CELF2: variants seen among roughly 807,000 people sequenced by gnomAD.
CELF2 encodes the protein CUG triplet repeat RNA-binding protein 2.
In CELF2, 8 loss-of-function variants were observed where a neutral mutation model predicts 62.6. That is an observed-to-expected ratio of 0.13 (90% CI 0.07 to 0.23). The LOEUF (loss-of-function observed/expected upper bound fraction) is 0.23. CELF2 is among the 10% of genes least tolerant of loss of function. CELF2 has a pLI of 1.00. For missense variants in CELF2, 333 were observed against 671.0 expected, an observed-to-expected ratio of 0.50 and a Z score of 5.56; for synonymous variants, 258 against 250.0, an observed-to-expected ratio of 1.03 and a Z score of -0.30.
In CELF2 at chr10:11,259,145, C is replaced by T. The variant is rs183562209; in HGVS notation, c.538+1273C>T. ...GGGCCAGCACTGGCACCCCAAACCACATGTTGAAAGAAAAGATTGGATCAT... is the reference window on the plus strand; with the variant it reads ...GGGCCAGCACTGGCACCCCAAACCATATGTTGAAAGAAAAGATTGGATCAT... On this transcript the variant is annotated intron_variant, in intron 5 of 12. Coordinates refer to ENST00000633077, the MANE Select transcript of CELF2 (RefSeq NM_001326342.2). Among the ~76,000 whole-genome samples, 5 of 152,366 alleles carry T rather than the reference C, an allele frequency of 3.3e-5. No individual in the cohort carries two copies. The East Asian group carries it at 9.6e-4, about 29-fold the overall frequency.
chr10:11,239,130 A>G (rs1035724905), intron 3 of CELF2, among the ~76,000 whole-genome samples: 1 of 152,162 alleles, frequency 6.6e-6, no homozygotes, highest in African/African-American at 2.4e-5. Context: ...ACAGACTCCA[A>G]ATTCCCTCAT....
Position 11,305,716 on chromosome 10 carries a change from C to T in CELF2, c.977-8423C>T, listed in dbSNP as rs1166362706. Reference sequence around the variant, plus strand: ...ATCTCTTCTGGGTGTAGTGTTCATCCCAGACCTAGCACAGCTCTAAGGAGA... The same window carrying T: ...ATCTCTTCTGGGTGTAGTGTTCATCTCAGACCTAGCACAGCTCTAAGGAGA... On this transcript the variant is annotated intron_variant, in intron 9 of 12. Coordinates refer to ENST00000633077, the MANE Select transcript of CELF2 (RefSeq NM_001326342.2). This position sits in a 1 kb window ranked among gnomAD's most constrained non-coding sequence, Gnocchi z 4.8. 7.9e-5 allele frequency among the ~76,000 whole-genome samples: 12 copies of T among 152,162 alleles called. No homozygotes were observed. The highest frequency in any genetic ancestry group is 7.9e-4 in the Admixed American group (12 of 15,282).
At chr10:10,517,179 G>T in the CELF2 span, among the ~76,000 whole-genome samples, 1 of 152,074 alleles carries the variant, frequency 6.6e-6, no homozygotes, top group Admixed American at 6.5e-5. Context: ...TGGAATCATA[G>T]ACAGGCATGA....
rs1289594190 is a variant in CELF2 at position 10,983,973 on chromosome 10, G to A, written c.89+63974G>A. 2.6e-5 allele frequency among the ~76,000 whole-genome samples: 4 copies of A among 152,168 alleles called. No individual in the cohort carries two copies. The highest frequency in any genetic ancestry group is 7.2e-5 in the African/African-American group (3 of 41,446). On this transcript the variant is annotated intron_variant, in intron 2 of 13. Coordinates refer to the CELF2 transcript ENST00000636488. This position sits in a 1 kb window ranked among gnomAD's most constrained non-coding sequence, Gnocchi z 5.2. ...GTCAACTACTGAACTATTAAGTTGC[G>A]AATGGAAGACTTATAACCACACATG...
At position 11,157,893 on chromosome 10, in the gene CELF2, A is replaced by C. The variant is rs2064868040; in HGVS notation, c.75-7593A>C. Among the ~76,000 whole-genome samples, 1 of 152,238 alleles carries C rather than the reference A, an allele frequency of 6.6e-6. No homozygotes were observed. Among genetic ancestry groups the C allele is most frequent in the Non-Finnish European group, 1.5e-5 (1 of 68,042 alleles). On this transcript the variant is annotated intron_variant, in intron 1 of 12. Coordinates refer to ENST00000633077, the MANE Select transcript of CELF2 (RefSeq NM_001326342.2). The surrounding 1 kb of genome is among the most constrained non-coding windows in gnomAD (Gnocchi z 4.9). ...AAAACAGAAGTTACCTGCCTTGAGA[A>C]GCACAGTCACCACAACCTAGTCTGC...
intron 1 of CELF2, among the ~76,000 whole-genome samples, chr10:11,059,417 C>A (rs911817458): frequency 1.3e-5 from 2 of 151,992 alleles, no homozygotes; most frequent in South Asian, 2.1e-4. Context: ...AATTTAAGAC[C>A]GTTTACCAAA....
At chr10:10,823,855 A>G (rs1001352666) in intron 1 of CELF2, among the ~76,000 whole-genome samples, 8 of 152,202 alleles carry the variant, frequency 5.3e-5, no homozygotes, top group Admixed American at 3.9e-4. Context: ...AAACTTGTTC[A>G]AACACACCAT....
chr10:11,081,067 ATTC>A (rs151194596), intron 1 of CELF2, among the ~76,000 whole-genome samples: 40,311 of 152,002 alleles, frequency 0.27, 5,610 homozygotes, highest in Middle Eastern at 0.31. Context: ...AGAAAAAATT[ATTC>A]TTTAAATGGT....
chr10:10,474,105 A>G, the CELF2 span, among the ~76,000 whole-genome samples: 1 of 152,064 alleles, frequency 6.6e-6, no homozygotes, highest in Admixed American at 6.6e-5. Context: ...GTCCTTGGAT[A>G]TTCAGGGAAA....
chr10:11,052,010 A>G (rs2140088904), intron 1 of CELF2, among the ~76,000 whole-genome samples: 1 of 151,760 alleles, frequency 6.6e-6, no homozygotes, highest in South Asian at 2.1e-4. Context: ...GGCTGAAGCA[A>G]TCCTCCCACC....
the CELF2 span, among the ~76,000 whole-genome samples, chr10:10,665,108 C>A: frequency 1.3e-5 from 2 of 152,122 alleles, no homozygotes; most frequent in Non-Finnish European, 2.9e-5. Context: ...CCCAGAGCCC[C>A]TTCATTGTTC....
intron 1 of CELF2, among the ~76,000 whole-genome samples, chr10:11,086,540 C>G (rs961604539): frequency 2.1e-5 from 3 of 141,512 alleles, no homozygotes; most frequent in African/African-American, 8.0e-5. Flanking sequence ...AGCGTTTTTC[C>G]TCTTCCACAG....
chr10:11,229,673 T>C (rs993104556), intron 3 of CELF2, among the ~76,000 whole-genome samples: 1 of 151,368 alleles, frequency 6.6e-6, no homozygotes, highest in African/African-American at 2.4e-5. Context: ...CACTGCAACC[T>C]CCACCTCCCA....
In CELF2 at chr10:10,878,744, A is replaced by T. The variant is rs139874893; in HGVS notation, c.54-41220A>T. 3.3e-5 allele frequency among the ~76,000 whole-genome samples: 5 copies of T among 152,268 alleles called. No individual in the cohort carries two copies. In the East Asian group the frequency reaches 7.7e-4, roughly 24 times the overall value. ...TGTTTCCAATTCAAATTGAGATCAC[A>T]TAATTGTTTACGACGAAAACATGAT... On this transcript the variant is annotated intron_variant, in intron 1 of 13. Coordinates refer to the CELF2 transcript ENST00000636488.
chr10:10,903,291 G>A (rs1410628143), intron 1 of CELF2, among the ~76,000 whole-genome samples: 7 of 152,166 alleles, frequency 4.6e-5, no homozygotes, highest in African/African-American at 1.4e-4. Context: ...TGACCTATCT[G>A]CTCCCAGGAT....
At chr10:11,105,415 T>C (rs1397657279) in intron 1 of CELF2, 1 of 152,164 alleles carries the variant, frequency 6.6e-6, no homozygotes, top group African/African-American at 2.4e-5. Flanking sequence ...GTTTGTAAAA[T>C]CATAGAACAG....
chr10:10,879,694 GTAT>G (rs1179928051), intron 1 of CELF2, among the ~76,000 whole-genome samples: 1 of 152,172 alleles, frequency 6.6e-6, no homozygotes, highest in East Asian at 1.9e-4. Flanking sequence ...CTGTTACCTT[GTAT>G]TATTGTGCCT....
intron 1 of CELF2, among the ~76,000 whole-genome samples, chr10:11,150,896 T>C (rs2063211689): frequency 6.6e-6 from 1 of 152,220 alleles, no homozygotes; most frequent in East Asian, 1.9e-4. Context: ...CTTTGTGTGG[T>C]TATTAAGAAG....
the CELF2 span, among the ~76,000 whole-genome samples, chr10:10,487,258 A>G: frequency 3.9e-5 from 6 of 152,310 alleles, no homozygotes; most frequent in South Asian, 2.1e-4. Context: ...CTTATAGCAC[A>G]GTTGTAAAAT....
Sources: allele counts gnomAD v4.1 joint callset (sites outside exome capture counted in the v4.1 genomes callset), GRCh38; gene constraint gnomAD v4.1.1; non-coding constraint Gnocchi (gnomAD v3.1); transcripts MANE v1.5; gene names NCBI Gene and HGNC (gene_info 2026-07-23, HGNC 2026-07-21).